Variants in ZPBP observed in about 807,000 individuals in gnomAD.
ZPBP encodes the protein zona pellucida binding protein.
In ZPBP, 26 loss-of-function variants were observed where a neutral mutation model predicts 44.8. That is an observed-to-expected ratio of 0.58 (90% CI 0.43 to 0.81). ZPBP has a LOEUF of 0.81. ZPBP is among the 30% of genes least tolerant of loss of function. The pLI is 0.00. For missense variants in ZPBP, 409 were observed against 434.0 expected (o/e 0.94, Z 0.51); for synonymous variants, 174 against 153.2 (o/e 1.14, Z -1.00).
chr7:49,868,780 G>T (rs999031115), intron 2 of ZPBP, among the ~76,000 whole-genome samples: 1 of 152,132 alleles, frequency 6.6e-6, no homozygotes, highest in African/African-American at 2.4e-5. Flanking sequence ...ACCATGCCTG[G>T]CTAATTTTTT....
chr7:50,091,202 A>T (rs1333986150), intron 1 of ZPBP, among the ~76,000 whole-genome samples: 1 of 151,856 alleles, frequency 6.6e-6, no homozygotes, highest in Admixed American at 6.6e-5. Flanking sequence ...AGTTCCTTGT[A>T]GATTCTAGAT....
chr7:50,068,999 T>C (rs148027972), intron 3 of ZPBP, among the ~76,000 whole-genome samples: 466 of 152,326 alleles, frequency 3.1e-3, no homozygotes, highest in African/African-American at 0.01. Flanking sequence ...CTCGACTGCA[T>C]CATCTGGCTC....
At chr7:49,936,883 T>C (rs1225183692), downstream of ZPBP, among the ~76,000 whole-genome samples, 1 of 152,178 alleles carries the variant, frequency 6.6e-6, no homozygotes, top group Non-Finnish European at 1.5e-5. Context: ...ATTCTCTCTT[T>C]CCACTAAGAA....
intron 2 of ZPBP, among the ~76,000 whole-genome samples, chr7:49,894,839 G>A (rs569603606): frequency 6.6e-5 from 10 of 152,336 alleles, no homozygotes; most frequent in Non-Finnish European, 1.2e-4. Flanking sequence ...TCAGCGCTAA[G>A]TGCAAGCACC....
intron 1 of ZPBP, among the ~76,000 whole-genome samples, chr7:50,090,625 G>GTA (rs1363833060): frequency 0.78 from 116,917 of 150,828 alleles, 45,478 homozygotes; most frequent in East Asian, 0.88. Flanking sequence ...GTATATATGT[G>GTA]TATATATATA....
chr7:49,905,249 T>C (rs1219997591), intron 1 of ZPBP, among the ~76,000 whole-genome samples: 1 of 152,010 alleles, frequency 6.6e-6, no homozygotes, highest in Non-Finnish European at 1.5e-5. Flanking sequence ...GGAAAAGGGG[T>C]AAAAGACAGT....
rs1790969843 is a variant in ZPBP at position 49,867,828 on chromosome 7, T to G, written n.510-17314A>C. On this transcript the variant is annotated intron_variant and non_coding_transcript_variant, in intron 2 of 2. Coordinates refer to the ZPBP transcript ENST00000465922. Reference sequence around the variant, plus strand: ...AAGTTACATTATTTTCTATTTTTTATTTTATTATTTTATTTTATTTTTTGA... The same window carrying G: ...AAGTTACATTATTTTCTATTTTTTAGTTTATTATTTTATTTTATTTTTTGA... Among the ~76,000 whole-genome samples the G allele has an allele frequency of 3.1e-5, 3 of 96,944 alleles. No homozygotes were observed. The South Asian group carries it at 8.9e-4, about 29-fold the overall frequency. 63.6% of individuals were successfully genotyped at this position (96,944 alleles called of 152,430 possible).
chr7:49,855,827 G>A (rs947672962), intron 2 of ZPBP, among the ~76,000 whole-genome samples: 1 of 152,118 alleles, frequency 6.6e-6, no homozygotes, highest in African/African-American at 2.4e-5. Context: ...GACGGTGCAC[G>A]TTAATTCCCA....
At chr7:49,948,421 A>C (rs969471992) in intron 7 of ZPBP, among the ~76,000 whole-genome samples, 4 of 152,180 alleles carry the variant, frequency 2.6e-5, no homozygotes, top group African/African-American at 9.6e-5. Context: ...GACATTATCA[A>C]ATATAGTGAA....
chr7:50,056,471 T>G (rs1263636499), intron 4 of ZPBP: 1 of 152,224 alleles, frequency 6.6e-6, no homozygotes, highest in African/African-American at 2.4e-5. Flanking sequence ...GATAATCTCC[T>G]CATCTCAAGA....
chr7:50,036,953 C>T (rs914577391), intron 4 of ZPBP, among the ~76,000 whole-genome samples: 1 of 151,630 alleles, frequency 6.6e-6, no homozygotes, highest in African/African-American at 2.4e-5. Context: ...ATAAAGAAAA[C>T]ATCAAAAAAT....
intron 2 of ZPBP, among the ~76,000 whole-genome samples, chr7:49,860,588 C>T (rs1025957340): frequency 1.3e-5 from 2 of 152,158 alleles, no homozygotes; most frequent in Non-Finnish European, 2.9e-5. Flanking sequence ...CTGTTTCAGC[C>T]CTTGCTTTCA....
intron 2 of ZPBP, among the ~76,000 whole-genome samples, chr7:49,862,641 C>T (rs970949929): frequency 6.7e-6 from 1 of 150,304 alleles, no homozygotes; most frequent in Non-Finnish European, 1.5e-5. Flanking sequence ...CCTTCTCTTC[C>T]TACTTTGATG....
intron 7 of ZPBP, among the ~76,000 whole-genome samples, chr7:49,966,946 G>T (rs1329647940): frequency 6.6e-6 from 1 of 152,034 alleles, no homozygotes; most frequent in Non-Finnish European, 1.5e-5. Flanking sequence ...GACAAACGGG[G>T]ACAGAGGAAG....
At chr7:49,982,187 A>G (rs1437952625) in intron 7 of ZPBP, among the ~76,000 whole-genome samples, 2 of 65,092 alleles carry the variant, frequency 3.1e-5, no homozygotes, top group African/African-American at 1.3e-4. Flanking sequence ...ATAATTTATT[A>G]TTATATATAT....
downstream of ZPBP, among the ~76,000 whole-genome samples, chr7:49,849,559 T>TAC (rs138822281): frequency 2.0e-5 from 3 of 152,070 alleles, no homozygotes; most frequent in Non-Finnish European, 4.4e-5. Flanking sequence ...TCAGCCCTTC[T>TAC]ACACACACAC....
At chr7:50,029,001 T>C (rs1225586691) in intron 5 of ZPBP, among the ~76,000 whole-genome samples, 4 of 152,150 alleles carry the variant, frequency 2.6e-5, no homozygotes, top group African/African-American at 9.7e-5. Context: ...CTAAAAATCA[T>C]ATGGAATTAC....
intron 2 of ZPBP, among the ~76,000 whole-genome samples, chr7:50,088,153 G>T (rs530687915): frequency 6.6e-6 from 1 of 151,956 alleles, no homozygotes; most frequent in Non-Finnish European, 1.5e-5. Flanking sequence ...TTTTCAATAC[G>T]AGTGCCAAGC....
intron 1 of ZPBP, chr7:49,912,230 C>G (rs745531924): frequency 6.2e-7 from 1 of 1,606,326 alleles, no homozygotes; most frequent in Admixed American, 1.7e-5. Context: ...GAACATTTTA[C>G]TGATGTGAAC....
Sources: allele counts gnomAD v4.1 joint callset (sites outside exome capture counted in the v4.1 genomes callset), GRCh38; gene constraint gnomAD v4.1.1; transcripts MANE v1.5; gene names NCBI Gene and HGNC (gene_info 2026-07-23, HGNC 2026-07-21).